The following GALNT13 variants were observed in gnomAD, a reference collection of about 807,000 sequenced individuals.
The protein encoded by GALNT13 is UDP-GalNAc:polypeptide N-acetylgalactosaminyltransferase 13.
GALNT13 carries 28 observed loss-of-function variants against 64.2 expected under a neutral mutation model. The observed-to-expected ratio is 0.44, with a 90% CI of 0.32 to 0.60. The LOEUF is 0.60. GALNT13 is among the 20% of genes least tolerant of loss of function. The pLI is 0.05. For synonymous variants in GALNT13, 214 were observed against 224.6 expected (o/e 0.95, Z 0.42); for missense variants, 577 against 669.8 (o/e 0.86, Z 1.53).
chr2:154,197,001 A>G (rs1686914910), intron 4 of GALNT13, among the ~76,000 whole-genome samples: 1 of 152,248 alleles, frequency 6.6e-6, no homozygotes, highest in South Asian at 2.1e-4. Flanking sequence ...AGTGCCATAT[A>G]GAAATTATGT....
At chr2:153,884,845 A>T (rs555728337) in intron 1 of GALNT13, among the ~76,000 whole-genome samples, 1 of 90,814 alleles carries the variant, frequency 1.1e-5, no homozygotes, top group African/African-American at 5.0e-5. Flanking sequence ...GTGTGTGTGT[A>T]TATATGTATA....
chr2:153,650,048 A>C, the GALNT13 span, among the ~76,000 whole-genome samples: 1 of 152,064 alleles, frequency 6.6e-6, no homozygotes, highest in Non-Finnish European at 1.5e-5. Flanking sequence ...TGATCTGTCT[A>C]ATGTTGAAAG....
At chr2:154,164,579 A>C (rs1684917951) in intron 4 of GALNT13, among the ~76,000 whole-genome samples, 1 of 152,150 alleles carries the variant, frequency 6.6e-6, no homozygotes, top group Non-Finnish European at 1.5e-5. Context: ...GATTCAGGAG[A>C]ACAAACTCTG....
chr2:153,479,472 A>G, the GALNT13 span, among the ~76,000 whole-genome samples: 1 of 152,172 alleles, frequency 6.6e-6, no homozygotes, highest in African/African-American at 2.4e-5. Flanking sequence ...GTTTGAGGCC[A>G]AGGAAAGAGG....
the GALNT13 span, among the ~76,000 whole-genome samples, chr2:153,601,950 A>G: frequency 3.9e-5 from 6 of 152,046 alleles, no homozygotes; most frequent in East Asian, 9.7e-4. Flanking sequence ...TGACTCATTC[A>G]GCCATGTGTA....
At chr2:153,890,701 A>C (rs1245228510) in intron 1 of GALNT13, among the ~76,000 whole-genome samples, 4 of 152,070 alleles carry the variant, frequency 2.6e-5, no homozygotes, top group Non-Finnish European at 5.9e-5. Context: ...AAAGGAAAGG[A>C]GCTTGTATCC....
the GALNT13 span, among the ~76,000 whole-genome samples, chr2:153,127,964 T>C: frequency 2.0e-5 from 3 of 152,314 alleles, no homozygotes; most frequent in East Asian, 5.8e-4. Context: ...ACAATAGCCA[T>C]AAGAGTTAAG....
At chr2:153,267,711 G>A in the GALNT13 span, among the ~76,000 whole-genome samples, 4 of 151,674 alleles carry the variant, frequency 2.6e-5, no homozygotes, top group Non-Finnish European at 4.4e-5. Flanking sequence ...TGCCCTGGAG[G>A]CATTTTCCCC....
intron 2 of GALNT13, among the ~76,000 whole-genome samples, chr2:153,904,578 A>C (rs1310302245): frequency 6.6e-6 from 1 of 151,892 alleles, no homozygotes; most frequent in African/African-American, 2.4e-5. Flanking sequence ...ATGTAGCTTA[A>C]TAGCCATGAA....
chr2:153,935,712 G>C (rs1009210000), intron 2 of GALNT13, among the ~76,000 whole-genome samples: 1 of 152,198 alleles, frequency 6.6e-6, no homozygotes, highest in Non-Finnish European at 1.5e-5. Flanking sequence ...GGAACAGCAG[G>C]CTGGATTGTC....
intron 3 of GALNT13, among the ~76,000 whole-genome samples, chr2:154,036,362 A>G (rs1203574405): frequency 3.9e-5 from 6 of 152,106 alleles, no homozygotes; most frequent in Non-Finnish European, 8.8e-5. Context: ...TATCACAGTA[A>G]ATGCTGCTTA....
chr2:154,114,355 C>G (rs998606037), intron 3 of GALNT13, among the ~76,000 whole-genome samples: 20 of 152,024 alleles, frequency 1.3e-4, no homozygotes, highest in Admixed American at 1.3e-3. Context: ...CCCACTGGAC[C>G]CACTGCAAGT....
chr2:153,116,809 T>TC, the GALNT13 span, among the ~76,000 whole-genome samples: 16 of 138,796 alleles, frequency 1.2e-4, no homozygotes, highest in African/African-American at 4.0e-4. Flanking sequence ...TTTTTTTTTT[T>TC]TTTTTTTTGA....
At chr2:154,120,535 C>T (rs1206202332) in intron 3 of GALNT13, among the ~76,000 whole-genome samples, 1 of 152,024 alleles carries the variant, frequency 6.6e-6, no homozygotes, top group Admixed American at 6.6e-5. Context: ...CAGTGTAGCC[C>T]CTTTATTTCT....
chr2:153,970,880 T>A (rs1242195490), intron 3 of GALNT13, among the ~76,000 whole-genome samples: 1 of 152,200 alleles, frequency 6.6e-6, no homozygotes, highest in East Asian at 1.9e-4. Context: ...ATATTTAGAA[T>A]TCAGACTTAA....
the GALNT13 span, among the ~76,000 whole-genome samples, chr2:153,163,802 G>A: frequency 6.0e-4 from 92 of 152,152 alleles, no homozygotes; most frequent in Middle Eastern, 0.024. Context: ...GGCGGATCAC[G>A]AGGTCAGGAG....
chr2:154,403,667 CT>C (rs753524190), intron 10 of GALNT13, among the ~76,000 whole-genome samples: 27 of 152,094 alleles, frequency 1.8e-4, no homozygotes, highest in Non-Finnish European at 3.7e-4. Flanking sequence ...ATAAAGAATA[CT>C]TTGTTTTTAG....
the GALNT13 span, among the ~76,000 whole-genome samples, chr2:153,554,581 C>A: frequency 6.6e-6 from 1 of 151,754 alleles, no homozygotes; most frequent in African/African-American, 2.4e-5. Context: ...AAGTTGTAGA[C>A]CAAGCACTGT....
intron 8 of GALNT13, among the ~76,000 whole-genome samples, chr2:154,273,293 A>C (rs1054327801): frequency 4.6e-5 from 7 of 152,158 alleles, no homozygotes; most frequent in African/African-American, 7.2e-5. Context: ...GGAAGCATCT[A>C]TCTATGCAAG....
Sources: gnomAD v4.1 joint callset for allele counts (sites outside exome capture counted in the v4.1 genomes callset) on GRCh38, gnomAD v4.1.1 for gene constraint, MANE v1.5 for transcripts, NCBI Gene and HGNC (gene_info 2026-07-23, HGNC 2026-07-21) for gene names.